The following DNAH14 variants were observed in gnomAD, a reference collection of about 807,000 sequenced individuals.
DNAH14 encodes axonemal beta dynein heavy chain 14.
A neutral mutation model predicts 520.9 loss-of-function variants in DNAH14; 478 were observed. The observed-to-expected ratio is 0.92, with a 90% CI of 0.85 to 0.99. The LOEUF is 0.99. Among genes scored for constraint, DNAH14 ranks in the 50% least tolerant of loss-of-function variants. The pLI is 0.00. For synonymous variants in DNAH14, 1,581 were observed against 1,757.2 expected (o/e 0.90, Z 2.51); for missense variants, 4,831 against 5,234.5 (o/e 0.92, Z 2.38).
intron 7 of DNAH14, among the ~76,000 whole-genome samples, chr1:224,970,743 G>A (rs992926947): frequency 6.6e-6 from 1 of 152,144 alleles, no homozygotes; most frequent in Non-Finnish European, 1.5e-5. Context: ...TCTCAGGGGT[G>A]GCAGATGTGG....
chr1:225,027,304 G>A (rs1330326167), intron 11 of DNAH14, among the ~76,000 whole-genome samples: 3 of 152,056 alleles, frequency 2.0e-5, no homozygotes. Context: ...ATTAGGAATG[G>A]TGAAAGCGAA....
intron 61 of DNAH14, among the ~76,000 whole-genome samples, chr1:225,318,944 T>C (rs1236079478): frequency 6.6e-6 from 1 of 152,224 alleles, no homozygotes; most frequent in African/African-American, 2.4e-5. Context: ...CCAGTTACAC[T>C]GTGATGTGCT....
chr1:225,172,681 A>G lies in DNAH14; in HGVS notation c.5535+4653A>G, dbSNP rs561106015. On this transcript the variant is annotated intron_variant, in intron 36 of 85. Transcript: ENST00000682510. ...AAGAATCAATATCGTGCAAATGGCC[A>G]TACTGCCCAAGGTAATTTATAGATT... 7.2e-5 allele frequency among the ~76,000 whole-genome samples: 11 copies of G among 152,346 alleles called. No homozygotes were observed. In the East Asian group the frequency reaches 1.5e-3, roughly 21 times the overall value.
chr1:225,171,120 G>C (rs2082594843), intron 36 of DNAH14, among the ~76,000 whole-genome samples: 1 of 152,202 alleles, frequency 6.6e-6, no homozygotes, highest in African/African-American at 2.4e-5. Flanking sequence ...ATTCAAAGCA[G>C]TGTGTAGAGG....
chr1:225,125,975 CGAA>C (rs1445870157), intron 27 of DNAH14, among the ~76,000 whole-genome samples: 4 of 151,880 alleles, frequency 2.6e-5, no homozygotes, highest in South Asian at 2.1e-4. Flanking sequence ...TTAGGGAGAC[CGAA>C]GAAGAAGGAG....
At chr1:224,994,301 GTAACC>G (rs1286283702) in intron 8 of DNAH14, among the ~76,000 whole-genome samples, 2 of 151,952 alleles carry the variant, frequency 1.3e-5, no homozygotes, top group South Asian at 2.1e-4. Context: ...TTATTGTATT[GTAACC>G]TATCTCTCCC....
At chr1:225,167,026 G>A (rs1303485237) in intron 35 of DNAH14, among the ~76,000 whole-genome samples, 1 of 152,130 alleles carries the variant, frequency 6.6e-6, no homozygotes, top group Non-Finnish European at 1.5e-5. Context: ...TTATATTCAG[G>A]TAGGTATCTA....
At chr1:225,063,213 C>T (rs2070409409) in intron 17 of DNAH14, among the ~76,000 whole-genome samples, 1 of 152,040 alleles carries the variant, frequency 6.6e-6, no homozygotes, top group Non-Finnish European at 1.5e-5. Context: ...TTTCAGGGCT[C>T]CAAGGATACC....
chr1:225,331,652 C>T, intron 65 of DNAH14, 75 bp downstream of exon 65: 1 of 1,533,860 alleles, frequency 6.5e-7, no homozygotes, highest in South Asian at 1.2e-5. Context: ...GTTATTTTCA[C>T]TGCAGGCTGT....
intron 23 of DNAH14, among the ~76,000 whole-genome samples, chr1:225,115,139 AATT>A (rs2076774976): frequency 6.6e-6 from 1 of 152,110 alleles, no homozygotes; most frequent in South Asian, 2.1e-4. Context: ...TGGCAAAAAT[AATT>A]GCTTTTTCCC....
chr1:225,294,741 T>C (rs915154080), intron 55 of DNAH14, among the ~76,000 whole-genome samples: 3 of 151,970 alleles, frequency 2.0e-5, no homozygotes, highest in Non-Finnish European at 1.5e-5. Context: ...GGAGAATTGC[T>C]TGAACCCAGG....
chr1:225,329,094 A>G (rs539744706), intron 64 of DNAH14, among the ~76,000 whole-genome samples: 13 of 152,276 alleles, frequency 8.5e-5, no homozygotes, highest in South Asian at 2.1e-4. Flanking sequence ...TCTCAACTTA[A>G]AGGTTAATAA....
intron 66 of DNAH14, among the ~76,000 whole-genome samples, chr1:225,336,010 CGCATATAT>C (rs2095035942): frequency 2.5e-5 from 2 of 80,304 alleles, no homozygotes; most frequent in African/African-American, 5.6e-5. Context: ...TATATGTATA[CGCATATAT>C]GCATATATGT....
chr1:225,204,800 T>G (rs992170168), intron 39 of DNAH14, among the ~76,000 whole-genome samples: 1 of 152,208 alleles, frequency 6.6e-6, no homozygotes, highest in Admixed American at 6.5e-5. Context: ...TTGCACCTCA[T>G]GTCAACACAT....
chr1:225,085,870 GC>G, intron 21 of DNAH14, 81 bp downstream of exon 21: 4 of 1,372,684 alleles, frequency 2.9e-6, no homozygotes, highest in Non-Finnish European at 3.8e-6. Flanking sequence ...TCTACAGTTT[GC>G]CTTTGAATTG....
chr1:225,280,614 GAAAA>G (rs140013468), intron 54 of DNAH14, among the ~76,000 whole-genome samples: 1 of 150,704 alleles, frequency 6.6e-6, no homozygotes, highest in African/African-American at 2.4e-5. Flanking sequence ...AAAAAAGAAA[GAAAA>G]AAAGAAGTTC....
intron 83 of DNAH14, among the ~76,000 whole-genome samples, chr1:225,391,555 C>T (rs1558615805): frequency 6.6e-6 from 1 of 151,878 alleles, no homozygotes; most frequent in African/African-American, 2.4e-5. Context: ...TGGTAGTGGG[C>T]AGAAGCAGGG....
At chr1:225,007,689 A>G (rs1196812479) in intron 10 of DNAH14, 145 bp downstream of exon 10, 1 of 471,008 alleles carries the variant, frequency 2.1e-6, no homozygotes, top group Non-Finnish European at 3.4e-6. Context: ...GGTACTATGT[A>G]TTTACTATAT....
rs367669483 is a variant in DNAH14 at position 224,931,017 on chromosome 1, A to G, written c.-34+1182A>G. On this transcript the variant is annotated intron_variant, in intron 1 of 85. Transcript: ENST00000682510. ...TATTCCAGAAGAAGGCATTGTTATC[A>G]TAGGAGATGACAGCTCCATGTGTTA... Among the ~76,000 whole-genome samples the G allele has an allele frequency of 2.6e-5, 4 of 152,230 alleles. No homozygotes were observed. In the East Asian group the frequency reaches 5.8e-4, roughly 22 times the overall value.
Sources: gnomAD v4.1 joint callset for allele counts (sites outside exome capture counted in the v4.1 genomes callset) on GRCh38, gnomAD v4.1.1 for gene constraint, MANE v1.5 for transcripts, NCBI Gene and HGNC (gene_info 2026-07-23, HGNC 2026-07-21) for gene names.